SLC30A9: variants seen among roughly 807,000 people sequenced by gnomAD.
SLC30A9 encodes the protein solute carrier family 30 member 9, also known as proton-coupled zinc antiporter SLC30A9, mitochondrial.
Under a neutral mutation model 87.5 loss-of-function variants are expected in SLC30A9, and 58 were observed. The observed-to-expected ratio is 0.66, with a 90% CI of 0.54 to 0.82. SLC30A9 has a LOEUF of 0.82. SLC30A9 is among the 40% of genes least tolerant of loss of function. SLC30A9 has a pLI of 0.00. For missense variants in SLC30A9, 557 were observed against 679.1 expected, an observed-to-expected ratio of 0.82 and a Z score of 2.00; for synonymous variants, 234 against 233.0, an observed-to-expected ratio of 1.00 and a Z score of -0.04.
At chr4:41,990,973 C>G (rs1388880828) in intron 1 of SLC30A9, among the ~76,000 whole-genome samples, 1 of 152,250 alleles carries the variant, frequency 6.6e-6, no homozygotes, top group Admixed American at 6.5e-5. Context: ...TAGCATGGCC[C>G]CCGCGGGAAC....
At chr4:42,047,551 T>C (rs1048177897) in intron 8 of SLC30A9, among the ~76,000 whole-genome samples, 2 of 152,160 alleles carry the variant, frequency 1.3e-5, no homozygotes, top group African/African-American at 4.8e-5. Flanking sequence ...GCCAGTTAGA[T>C]TGGCGATCAT....
At chr4:42,049,283 G>C (rs546940515) in intron 8 of SLC30A9, 94 bp from the exon 9 acceptor site, 1 of 640,398 alleles carries the variant, frequency 1.6e-6, no homozygotes, top group Non-Finnish European at 2.7e-6. Flanking sequence ...ACTTTCAACA[G>C]AATCTAGTGT....
intron 1 of SLC30A9, among the ~76,000 whole-genome samples, chr4:41,994,691 C>T (rs1714615070): frequency 6.6e-6 from 1 of 151,198 alleles, no homozygotes; most frequent in South Asian, 2.1e-4. Context: ...TACAAAAGAC[C>T]AGTCTGGCCA....
intron 9 of SLC30A9, among the ~76,000 whole-genome samples, chr4:42,056,551 C>T (rs1717621069): frequency 6.6e-6 from 1 of 152,140 alleles, no homozygotes; most frequent in African/African-American, 2.4e-5. Context: ...CCCACTAGGT[C>T]CCTCCCACAA....
intron 11 of SLC30A9, among the ~76,000 whole-genome samples, chr4:42,063,478 C>A (rs932795354): frequency 3.3e-5 from 5 of 152,192 alleles, no homozygotes; most frequent in African/African-American, 4.8e-5. Flanking sequence ...AATATTCAGA[C>A]CCATGTAATA....
intron 2 of SLC30A9, 49 bp downstream of exon 2, chr4:42,001,829 T>C: frequency 7.6e-7 from 1 of 1,314,752 alleles, no homozygotes; most frequent in Non-Finnish European, 1.1e-6. Flanking sequence ...TGGAATAGTT[T>C]GTGTAAAATT....
intron 9 of SLC30A9, among the ~76,000 whole-genome samples, chr4:42,053,047 G>A (rs935816117): frequency 5.9e-5 from 9 of 152,086 alleles, no homozygotes; most frequent in African/African-American, 2.2e-4. Context: ...TTCCCCCCAA[G>A]GATAAAGATT....
rs5004462 is a variant in SLC30A9 at position 42,055,121 on chromosome 4, C to A, written c.841-5070C>A. On this transcript the variant is annotated intron_variant, in intron 9 of 17. Transcript: ENST00000264451. The stretch of plus-strand genomic sequence containing the variant: ...GGCAGATCACCTGAGGTCAGGAGTT[C>A]AAGACCAGCCTGACCAACATGGCAA... Among the ~76,000 whole-genome samples, 18 of 152,090 alleles carry A rather than the reference C, an allele frequency of 1.2e-4. No homozygotes were observed. The South Asian group carries it at 3.7e-3, about 32-fold the overall frequency.
At chr4:42,077,427 C>G (rs917711167) in intron 16 of SLC30A9, among the ~76,000 whole-genome samples, 1 of 151,984 alleles carries the variant, frequency 6.6e-6, no homozygotes, top group Non-Finnish European at 1.5e-5. Flanking sequence ...TTTTTTGAGA[C>G]AGAGTCTCGC....
intron 8 of SLC30A9, among the ~76,000 whole-genome samples, chr4:42,041,046 G>A (rs1271049956): frequency 6.6e-6 from 1 of 152,102 alleles, no homozygotes; most frequent in Non-Finnish European, 1.5e-5. Flanking sequence ...GTCTTACATG[G>A]ATGGCAGCAG....
chr4:42,039,322 A>G (rs960279619), intron 8 of SLC30A9, among the ~76,000 whole-genome samples: 2 of 152,096 alleles, frequency 1.3e-5, no homozygotes, highest in Non-Finnish European at 2.9e-5. Context: ...TCTTGTTTTT[A>G]TTGGAGTTGA....
At chr4:42,069,301 G>C (rs1371052443) in intron 14 of SLC30A9, among the ~76,000 whole-genome samples, 1 of 151,974 alleles carries the variant, frequency 6.6e-6, no homozygotes, top group Non-Finnish European at 1.5e-5. Context: ...TTCTTAATTA[G>C]CTAATTTATT....
At chr4:41,990,855 C>T in intron 1 of SLC30A9, 95 bp downstream of exon 1, 1 of 861,672 alleles carries the variant, frequency 1.2e-6, no homozygotes, top group Non-Finnish European at 1.8e-6. Context: ...GCCCACTTGC[C>T]TTTCGCCAAC....
chr4:42,068,648 A>G (rs73812708), intron 14 of SLC30A9, among the ~76,000 whole-genome samples: 6,614 of 152,296 alleles, frequency 0.043, 187 homozygotes, highest in African/African-American at 0.062. Context: ...TGACAACATG[A>G]ATGAGGACTT....
At chr4:42,064,118 G>A (rs1404733724) in intron 11 of SLC30A9, among the ~76,000 whole-genome samples, 1 of 152,122 alleles carries the variant, frequency 6.6e-6, no homozygotes, top group African/African-American at 2.4e-5. Context: ...AATATCCCGG[G>A]GGACACACAT....
intron 1 of SLC30A9, among the ~76,000 whole-genome samples, chr4:42,000,851 C>T (rs1462169470): frequency 6.6e-6 from 1 of 152,004 alleles, no homozygotes; most frequent in African/African-American, 2.4e-5. Flanking sequence ...TCACCTAAAA[C>T]TTTACAAAAT....
intron 1 of SLC30A9, among the ~76,000 whole-genome samples, chr4:41,995,316 A>T (rs1479080895): frequency 6.6e-6 from 1 of 152,208 alleles, no homozygotes; most frequent in Non-Finnish European, 1.5e-5. Context: ...ATGCAGATCA[A>T]GTTCATGATA....
intron 1 of SLC30A9, among the ~76,000 whole-genome samples, chr4:41,993,022 G>A (rs1323551225): frequency 2.6e-5 from 4 of 151,760 alleles, no homozygotes; most frequent in Admixed American, 6.6e-5. Context: ...AATGAGGAAT[G>A]CCTTTAAAGG....
At chr4:42,084,430 C>G (rs1399607525) in intron 17 of SLC30A9, among the ~76,000 whole-genome samples, 1 of 151,874 alleles carries the variant, frequency 6.6e-6, no homozygotes, top group Non-Finnish European at 1.5e-5. Flanking sequence ...TGTAATTCCC[C>G]TTAAGTTGAT....
Sources: allele counts gnomAD v4.1 joint callset (sites outside exome capture counted in the v4.1 genomes callset), GRCh38; gene constraint gnomAD v4.1.1; transcripts MANE v1.5; gene names NCBI Gene and HGNC (gene_info 2026-07-23, HGNC 2026-07-21).